DCDC2C: variants seen among roughly 807,000 people sequenced by gnomAD.
DCDC2C encodes doublecortin domain-containing protein 2C.
Under a neutral mutation model 45.0 loss-of-function variants are expected in DCDC2C, and 44 were observed. The observed-to-expected ratio is 0.98, with a 90% CI of 0.77 to 1.26. The LOEUF (loss-of-function observed/expected upper bound fraction) is 1.26, where lower values mean the gene tolerates loss of function less well. Among genes scored for constraint, DCDC2C ranks in the 50% most tolerant of loss-of-function variants. The pLI, the probability that DCDC2C is intolerant of heterozygous loss-of-function variation, is 0.00. For missense variants in DCDC2C, 447 were observed against 468.9 expected, an observed-to-expected ratio of 0.95 and a Z score of 0.43; for synonymous variants, 187 against 178.8, an observed-to-expected ratio of 1.05 and a Z score of -0.37.
intron 10 of DCDC2C, among the ~76,000 whole-genome samples, chr2:3,846,854 G>T (rs1459587595): frequency 6.6e-6 from 1 of 152,230 alleles, no homozygotes; most frequent in Admixed American, 6.5e-5. Flanking sequence ...GCAGAGGAAT[G>T]TGAAGCGTTG....
chr2:3,772,229 G>T (rs572145783), intron 8 of DCDC2C, among the ~76,000 whole-genome samples: 2 of 152,308 alleles, frequency 1.3e-5, no homozygotes, highest in South Asian at 4.1e-4. Context: ...GACACTAACA[G>T]CACAGCATCC....
rs1361998048 is a variant in DCDC2C, at chr2:3,767,889, C to A, written c.853+9C>A. 3 of 1,494,488 alleles carry A rather than the reference C, an allele frequency of 2.0e-6. No individual in the cohort carries two copies. Among genetic ancestry groups the A allele is most frequent in the Non-Finnish European group, 2.7e-6 (3 of 1,126,582 alleles). The allele number at this position is 1,494,488 out of a possible 1,614,324, so 92.6% of individuals were successfully genotyped here. On this transcript the variant is annotated intron_variant, in intron 7 of 10. Coordinates refer to ENST00000399143, the MANE Select transcript of DCDC2C (RefSeq NM_001287444.2). ...AGTCCAAAGGGGTGCAGGTGACGTG[C>A]AGTTTCATTCTGCTGTAGGCAGTTC...
At chr2:3,707,382 A>G (rs1429334193) in intron 1 of DCDC2C, among the ~76,000 whole-genome samples, 1 of 152,186 alleles carries the variant, frequency 6.6e-6, no homozygotes, top group East Asian at 1.9e-4. Flanking sequence ...GGGAATTTAG[A>G]ACAAATTTAA....
intron 10 of DCDC2C, among the ~76,000 whole-genome samples, chr2:3,798,060 T>G (rs1671010271): frequency 6.6e-6 from 1 of 152,080 alleles, no homozygotes; most frequent in South Asian, 2.1e-4. Context: ...GCTCCTGTAT[T>G]AGGTGCATAT....
intron 6 of DCDC2C, among the ~76,000 whole-genome samples, chr2:3,765,534 C>T (rs566496326): frequency 1.3e-5 from 2 of 152,280 alleles, no homozygotes; most frequent in East Asian, 3.9e-4. Flanking sequence ...TACCACTGTG[C>T]TAGGTTAAGG....
chr2:3,754,733 A>G, intron 6 of DCDC2C, 99 bp downstream of exon 6: 1 of 1,051,570 alleles, frequency 9.5e-7, no homozygotes. Flanking sequence ...CGAGCTGTAA[A>G]CAGAGCATCA....
chr2:3,725,357 T>C (rs949540870), intron 2 of DCDC2C, among the ~76,000 whole-genome samples: 10 of 149,432 alleles, frequency 6.7e-5, no homozygotes, highest in African/African-American at 2.2e-4. Flanking sequence ...ATGGACTGGC[T>C]GGGGACCAGG....
intron 1 of DCDC2C, among the ~76,000 whole-genome samples, chr2:3,706,450 C>T (rs1054748402): frequency 7.9e-5 from 12 of 152,078 alleles, no homozygotes; most frequent in Non-Finnish European, 1.8e-4. Context: ...AAAACAATGA[C>T]GTGTCATATA....
Position 3,831,394 on chromosome 2 carries a change from T to A in DCDC2C, c.1066-15760T>A, listed in dbSNP as rs77117668. ...CACCTCGGCTATGTGGTGTAGCCTA[T>A]TGCCTATTGCCCAGACTGCAAACCT... On this transcript the variant is annotated intron_variant, in intron 10 of 10. Transcript: ENST00000399143. Among the ~76,000 whole-genome samples the A allele has an allele frequency of 8.2e-3, 1,253 of 152,322 alleles. 7 individuals are homozygous for A. The highest frequency in any genetic ancestry group is 0.012 in the Non-Finnish European group (829 of 68,032).
At chr2:3,756,369 T>A (rs1669716863) in intron 6 of DCDC2C, among the ~76,000 whole-genome samples, 1 of 152,236 alleles carries the variant, frequency 6.6e-6, no homozygotes, top group Non-Finnish European at 1.5e-5. Context: ...GTCCCCTCCC[T>A]ACTGTGACAC....
rs1245461944 is a variant in DCDC2C at position 3,703,596 on chromosome 2, A to C, written c.-156A>C. On this transcript the variant is annotated 5_prime_UTR_variant, in exon 1 of 11. Transcript: ENST00000399143. This position sits in a 1 kb window ranked among gnomAD's most constrained non-coding sequence, Gnocchi z 4.4. ...TGGCAGCCCCGTCCCGTCCCCGTCCAGCCCCCGTCCCGTCCCCGTCCCGTC... is the reference window on the plus strand; with the variant it reads ...TGGCAGCCCCGTCCCGTCCCCGTCCCGCCCCCGTCCCGTCCCCGTCCCGTC... 8 of 702,166 alleles carry C rather than the reference A, an allele frequency of 1.1e-5. No homozygotes were observed. Among genetic ancestry groups the C allele is most frequent in the African/African-American group, 6.2e-5 (3 of 48,500 alleles). The allele number at this position is 702,166 out of a possible 1,614,324, so 43.5% of individuals were successfully genotyped here. A position where few individuals can be genotyped will look rare whatever the true frequency, so the allele number is the denominator to read the frequency against.
intron 6 of DCDC2C, among the ~76,000 whole-genome samples, chr2:3,756,711 TA>T (rs1669727678): frequency 6.6e-6 from 1 of 152,248 alleles, no homozygotes; most frequent in Non-Finnish European, 1.5e-5. Flanking sequence ...CCTGATGTTT[TA>T]AAAAATGTTT....
chr2:3,847,228 A>T lies in DCDC2C; in HGVS notation c.*45A>T, dbSNP rs969549189. 8.3e-7 allele frequency: 1 copy of T among 1,202,328 alleles called. No individual in the cohort carries two copies. The highest frequency in any genetic ancestry group is 4.2e-5 in the South Asian group (1 of 23,756). The allele number at this position is 1,202,328 out of a possible 1,614,324, so 74.5% of individuals were successfully genotyped here. The stretch of plus-strand genomic sequence containing the variant: ...ACCTGAAGTCCACTTTTCTTCAACC[A>T]TGGGGCTTCCACGTCACATATGGAC... On this transcript the variant is annotated 3_prime_UTR_variant, in exon 11 of 11. Coordinates refer to ENST00000399143, the MANE Select transcript of DCDC2C (RefSeq NM_001287444.2).
chr2:3,764,594 T>A (rs776801616), intron 6 of DCDC2C, among the ~76,000 whole-genome samples: 1 of 152,252 alleles, frequency 6.6e-6, no homozygotes, highest in South Asian at 2.1e-4. Flanking sequence ...TCCCCAGCCA[T>A]GTGGAACTGT....
chr2:3,834,097 C>G (rs981222126), intron 10 of DCDC2C, among the ~76,000 whole-genome samples: 1 of 151,330 alleles, frequency 6.6e-6, no homozygotes, highest in Admixed American at 6.6e-5. Context: ...CTCCTGCCCC[C>G]CCTACCTCCA....
chr2:3,752,812 G>A lies in DCDC2C; in HGVS notation c.595G>A (p.Asp199Asn). 1 of 1,550,452 alleles carries A rather than the reference G, an allele frequency of 6.4e-7. No homozygotes were observed. The highest frequency in any genetic ancestry group is 8.7e-7 in the Non-Finnish European group (1 of 1,146,896). ...HLLGDSKDLQ[D>N]NHFYVAVGLE... ...TTTGGGCGACTCAAAGGATTTGCAA[G>A]ACAATCACTTTTATGTTGCTGTGGG... Residue 199 changes from aspartate to asparagine, a missense_variant, in exon 5 of 11, where the codon GAC (aspartate) becomes AAC (asparagine). Coordinates refer to ENST00000399143, the MANE Select transcript of DCDC2C (RefSeq NM_001287444.2).
rs530878448 is a variant in DCDC2C, at chr2:3,726,370, G to A, written c.340-633G>A. 2.0e-4 allele frequency among the ~76,000 whole-genome samples: 30 copies of A among 152,128 alleles called. No individual in the cohort carries two copies. The South Asian group carries it at 6.2e-3, about 32-fold the overall frequency. ...TTTTCTGCACATTCTTAAACAGTAGGGCCGTGAGGATGACAGGCTTTGCTT... is the reference window on the plus strand; with the variant it reads ...TTTTCTGCACATTCTTAAACAGTAGAGCCGTGAGGATGACAGGCTTTGCTT... On this transcript the variant is annotated intron_variant, in intron 2 of 10. Transcript: ENST00000399143.
chr2:3,731,668 G>T (rs1668871571), intron 3 of DCDC2C, among the ~76,000 whole-genome samples: 1 of 152,228 alleles, frequency 6.6e-6, no homozygotes, highest in South Asian at 2.1e-4. Context: ...GGAAGATGAT[G>T]TCTAAAGGGA....
intron 4 of DCDC2C, among the ~76,000 whole-genome samples, chr2:3,748,046 G>A (rs1669425551): frequency 6.6e-6 from 1 of 152,200 alleles, no homozygotes. Context: ...AGCCTTTGTG[G>A]TGGGAAGCCA....
Sources: allele counts gnomAD v4.1 joint callset (sites outside exome capture counted in the v4.1 genomes callset), GRCh38; gene constraint gnomAD v4.1.1; non-coding constraint Gnocchi (gnomAD v3.1); transcripts MANE v1.5; gene names NCBI Gene and HGNC (gene_info 2026-07-23, HGNC 2026-07-21).